TGFB1: variants seen among roughly 807,000 people sequenced by gnomAD.
TGFB1 encodes the protein transforming growth factor beta 1, also known as transforming growth factor beta-1 proprotein.
In TGFB1, 19 loss-of-function variants were observed where a neutral mutation model predicts 43.8. The ratio of observed to expected loss-of-function variants is 0.43; its 90% CI spans 0.30 to 0.64. The LOEUF (loss-of-function observed/expected upper bound fraction) is 0.64. Ranked by LOEUF, TGFB1 falls within the 30% of genes least tolerant of loss-of-function variation. TGFB1 has a pLI of 0.11. For synonymous variants in TGFB1, 221 were observed against 236.3 expected, an observed-to-expected ratio of 0.94 and a Z score of 0.60; for missense variants, 445 against 529.8, an observed-to-expected ratio of 0.84 and a Z score of 1.57.
rs774002594 is a variant in TGFB1, at chr19:41,348,383, G to C, written c.428C>G (p.Ala143Gly). The change falls in exon 2 of 7, where the codon GCG becomes GGG. Residue 143 changes from alanine to glycine, a missense_variant. Coordinates refer to ENST00000221930, the MANE Select transcript of TGFB1 (RefSeq NM_000660.7). ...MFFNTSELRE[A>G]VPEPVLLSRA... ...GGAGAGCAACACGGGTTCAGGTACC[G>C]CTTCTCGGAGCTCTGATGTGTTGAA... 1 of 1,613,394 alleles carries C rather than the reference G, an allele frequency of 6.2e-7. No individual in the cohort carries two copies. Among genetic ancestry groups the C allele is most frequent in the Non-Finnish European group, 8.5e-7 (1 of 1,179,720 alleles).
Position 41,352,916 on chromosome 19 carries a change from C to T in TGFB1, c.129G>A (p.Arg43=), listed in dbSNP as rs2038228658. The T allele has an allele frequency of 2.1e-5, 32 of 1,558,026 alleles. No individual in the cohort carries two copies. The highest frequency in any genetic ancestry group is 2.8e-5 in the Non-Finnish European group (32 of 1,152,598). The change falls in exon 1 of 7, where the codon CGG becomes CGA. Residue 43 remains arginine, a synonymous_variant. Transcript: ENST00000221930. ...GGCCGCGGATGGCCTCGATGCGCTT[C>T]CGCTTCACCAGCTCCATGTCGATAG... is the stretch of plus-strand genomic sequence containing the variant. The part of the protein sequence containing the change: ...CKTIDMELVK[R]KRIEAIRGQI...
At chr19:41,331,945 A>G in intron 6 of TGFB1, 183 bp downstream of exon 6, 2 of 786,406 alleles carry the variant, frequency 2.5e-6, no homozygotes, top group South Asian at 3.7e-5. Flanking sequence ...GCCCCTGCTC[A>G]GAGCCCCTCT....
intron 3 of TGFB1, among the ~76,000 whole-genome samples, chr19:41,343,405 A>T (rs1198118149): frequency 6.6e-6 from 1 of 152,128 alleles, no homozygotes; most frequent in Non-Finnish European, 1.5e-5. Context: ...AAGTGCTGGG[A>T]TTACAGGCGT....
intron 1 of TGFB1, among the ~76,000 whole-genome samples, chr19:41,349,738 C>CA (rs1198526760): frequency 6.6e-6 from 1 of 152,076 alleles, no homozygotes; most frequent in Admixed American, 6.6e-5. Flanking sequence ...GCCTGGGTGA[C>CA]AGAGTAAGAC....
chr19:41,348,155 G>A, intron 2 of TGFB1, 140 bp downstream of exon 2: 1 of 989,340 alleles, frequency 1.0e-6, no homozygotes, highest in Non-Finnish European at 1.6e-6. Context: ...AGCGTTCTAG[G>A]ATTGTATGGT....
At chr19:41,348,248 C>T in intron 2 of TGFB1, 47 bp downstream of exon 2, 1 of 1,607,826 alleles carries the variant, frequency 6.2e-7, no homozygotes, top group Non-Finnish European at 8.5e-7. Flanking sequence ...TCACAGCTCA[C>T]CCTCTCCAGC....
chr19:41,349,673 C>T (rs2038160110), intron 1 of TGFB1, among the ~76,000 whole-genome samples: 1 of 152,128 alleles, frequency 6.6e-6, no homozygotes, highest in African/African-American at 2.4e-5. Flanking sequence ...ATGAGAATCG[C>T]TTGAACCTGA....
Position 41,332,019 on chromosome 19 carries a change from C to T in TGFB1, c.1014+109G>A, listed in dbSNP as rs1201394806. On this transcript the variant is annotated intron_variant, in intron 6 of 6. Transcript: ENST00000221930. ...CCCTCCCCACCCCATCCCTCTCTTT[C>T]TCCCCATCCTGCCAACTCACCTCTC... is the stretch of plus-strand genomic sequence containing the variant. 5.3e-6 allele frequency: 7 copies of T among 1,314,648 alleles called. No individual in the cohort carries two copies. In the East Asian group the frequency reaches 1.7e-4, roughly 31 times the overall value. 81.4% of individuals were successfully genotyped at this position (1,314,648 alleles called of 1,614,324 possible). A position where few individuals can be genotyped will look rare whatever the true frequency, so the allele number is the denominator to read the frequency against.
At chr19:41,334,537 C>T (rs1217062528) in intron 5 of TGFB1, among the ~76,000 whole-genome samples, 2 of 149,440 alleles carry the variant, frequency 1.3e-5, no homozygotes, top group Admixed American at 1.3e-4. Flanking sequence ...GTGGGGCCAG[C>T]CAGGCACGGT....
intron 3 of TGFB1, among the ~76,000 whole-genome samples, chr19:41,344,014 A>C (rs2038088088): frequency 3.2e-5 from 3 of 93,866 alleles, no homozygotes; most frequent in Admixed American, 2.7e-4. Context: ...ATGGGATCTC[A>C]CTCTTTCATG....
chr19:41,338,969 C>CGT (rs71179696), intron 5 of TGFB1, among the ~76,000 whole-genome samples: 20,942 of 150,134 alleles, frequency 0.14, 1,847 homozygotes, highest in South Asian at 0.25. Context: ...ATGGGGGGTA[C>CGT]GTGTGTGTGT....
chr19:41,343,980 C>CTTTT lies in TGFB1; in HGVS notation c.634+763_634+766dup, dbSNP rs3061192. On this transcript the variant is annotated intron_variant, in intron 3 of 6. Coordinates refer to ENST00000221930, the MANE Select transcript of TGFB1 (RefSeq NM_000660.7). ...ACAGGCTGTTCCCTTTGCCTGGAAT[C>CTTTT]TTTTTTTTTTTTTTTTTTTTGAGAT... Among the ~76,000 whole-genome samples, 665 of 98,576 alleles carry CTTTT rather than the reference C, an allele frequency of 6.7e-3. 22 individuals are homozygous for CTTTT. Among genetic ancestry groups the CTTTT allele is most frequent in the African/African-American group, 0.019 (449 of 23,788 alleles). 64.7% of individuals were successfully genotyped at this position (98,576 alleles called of 152,430 possible).
At position 41,341,872 on chromosome 19, in the gene TGFB1, A is replaced by G. The variant is rs755645417; in HGVS notation, c.860+11T>C. ...AGCCTGGAAGGCCTCCATCCAGGCTACAAGGCTCACCTGAAGCAATAGTTG... is the reference window on the plus strand; with the variant it reads ...AGCCTGGAAGGCCTCCATCCAGGCTGCAAGGCTCACCTGAAGCAATAGTTG... On this transcript the variant is annotated intron_variant, in intron 5 of 6. Transcript: ENST00000221930. The G allele has an allele frequency of 7.4e-6, 12 of 1,612,990 alleles. No homozygotes were observed. Among genetic ancestry groups the G allele is most frequent in the Non-Finnish European group, 1.0e-5 (12 of 1,179,866 alleles).
In TGFB1 at chr19:41,345,562, T is replaced by C. The variant is rs182453192; in HGVS notation, c.517-698A>G. On this transcript the variant is annotated intron_variant, in intron 2 of 6. Transcript: ENST00000221930. Reference sequence around the variant, plus strand: ...ATTCTGGGGTTTACTGAGCATACGGTTCTGCAAATTTGACACCCTGAATTC... The same window carrying C: ...ATTCTGGGGTTTACTGAGCATACGGCTCTGCAAATTTGACACCCTGAATTC... Among the ~76,000 whole-genome samples, 15 of 152,188 alleles carry C rather than the reference T, an allele frequency of 9.9e-5. No individual in the cohort carries two copies. The East Asian group carries it at 1.4e-3, about 14-fold the overall frequency.
At chr19:41,334,910 G>A (rs1290965390) in intron 5 of TGFB1, among the ~76,000 whole-genome samples, 1 of 151,354 alleles carries the variant, frequency 6.6e-6, no homozygotes, top group Non-Finnish European at 1.5e-5. Flanking sequence ...GGCCATCATG[G>A]GCAGGCTTAG....
Position 41,353,266 on chromosome 19 carries a change from C to G in TGFB1, c.-222G>C, listed in dbSNP as rs1183657976. 10 of 544,522 alleles carry G rather than the reference C, an allele frequency of 1.8e-5. No homozygotes were observed. The highest frequency in any genetic ancestry group is 3.2e-5 in the Non-Finnish European group (10 of 316,696). The allele number at this position is 544,522 out of a possible 1,614,324, so 33.7% of individuals were successfully genotyped here. A position where few individuals can be genotyped will look rare whatever the true frequency, so the allele number is the denominator to read the frequency against. ...TAACCTAGATGGGCGCGATCTGGTA[C>G]CAGAAGGTGGGTGGTCTTGAATAGG... On this transcript the variant is annotated 5_prime_UTR_variant, in exon 1 of 7. Coordinates refer to ENST00000221930, the MANE Select transcript of TGFB1 (RefSeq NM_000660.7). The surrounding 1 kb of genome is among the most constrained non-coding windows in gnomAD (Gnocchi z 5.9).
chr19:41,350,741 A>C (rs2038179400), intron 1 of TGFB1: 1 of 152,400 alleles, frequency 6.6e-6, no homozygotes, highest in African/African-American at 2.4e-5. Context: ...AGAAAGGCAG[A>C]GGAAACCCCT....
chr19:41,353,016 G>C lies in TGFB1; in HGVS notation c.29C>G (p.Pro10Arg), dbSNP rs1800470. ...TAGCCACAGCAGCGGTAGCAGCAGCGGCAGCAGCCGCAGCCCGGAGGGCGG... is the reference window on the plus strand; with the variant it reads ...TAGCCACAGCAGCGGTAGCAGCAGCCGCAGCAGCCGCAGCCCGGAGGGCGG... MPPSGLRLL[P>R]LLLPLLWLLV... The change falls in exon 1 of 7, where the codon CCG becomes CGG. Residue 10 changes from proline to arginine, a missense_variant. Coordinates refer to ENST00000221930, the MANE Select transcript of TGFB1 (RefSeq NM_000660.7). The surrounding 1 kb of genome is among the most constrained non-coding windows in gnomAD (Gnocchi z 5.9). The C allele has an allele frequency of 9.9e-5, 151 of 1,528,168 alleles. 1 individual carries two copies. In the South Asian group the frequency reaches 1.7e-3, roughly 17 times the overall value. 94.7% of individuals were successfully genotyped at this position (1,528,168 alleles called of 1,614,324 possible). A position where few individuals can be genotyped will look rare whatever the true frequency, so the allele number is the denominator to read the frequency against.
At position 41,353,590 on chromosome 19, in the gene TGFB1, C is replaced by G. The variant is rs1468385424; in HGVS notation, c.-546G>C. 6.5e-6 allele frequency: 1 copy of G among 152,790 alleles called. No individual in the cohort carries two copies. Among genetic ancestry groups the G allele is most frequent in the Admixed American group, 6.5e-5 (1 of 15,296 alleles). The allele number at this position is 152,790 out of a possible 1,614,324, so 9.5% of individuals were successfully genotyped here. The stretch of plus-strand genomic sequence containing the variant: ...CGGGGCAGCGTCGCGCCAAGAGGTC[C>G]CCGCGCCTCCGGCTCCCAGCGGCAA... On this transcript the variant is annotated 5_prime_UTR_variant, in exon 1 of 7. Coordinates refer to ENST00000221930, the MANE Select transcript of TGFB1 (RefSeq NM_000660.7). The surrounding 1 kb of genome is among the most constrained non-coding windows in gnomAD (Gnocchi z 5.9).
Sources: allele counts gnomAD v4.1 joint callset (sites outside exome capture counted in the v4.1 genomes callset), GRCh38; gene constraint gnomAD v4.1.1; non-coding constraint Gnocchi (gnomAD v3.1); transcripts MANE v1.5; gene names NCBI Gene and HGNC (gene_info 2026-07-23, HGNC 2026-07-21).